Variants in GNAL observed in about 807,000 individuals in gnomAD.
GNAL encodes the protein G protein subunit alpha L.
Under a neutral mutation model 55.1 loss-of-function variants are expected in GNAL, and 18 were observed. That is an observed-to-expected ratio of 0.33 (90% CI 0.23 to 0.48). GNAL has a LOEUF of 0.48. GNAL is among the 20% of genes least tolerant of loss of function. The probability of loss-of-function intolerance (pLI) is 0.99; values close to 1 mark genes in which losing one functional copy is unlikely to be tolerated. For missense variants in GNAL, 412 were observed against 614.1 expected, an observed-to-expected ratio of 0.67 and a Z score of 3.48; for synonymous variants, 253 against 237.0, an observed-to-expected ratio of 1.07 and a Z score of -0.62.
chr18:11,770,353 A>G (rs1222000216), intron 4 of GNAL, among the ~76,000 whole-genome samples: 1 of 152,184 alleles, frequency 6.6e-6, no homozygotes, highest in Non-Finnish European at 1.5e-5. Context: ...AAAGAATGAT[A>G]TTTTCATAGC....
At chr18:11,758,193 T>C (rs761716123) in intron 4 of GNAL, among the ~76,000 whole-genome samples, 8 of 152,112 alleles carry the variant, frequency 5.3e-5, no homozygotes, top group Non-Finnish European at 1.0e-4. Flanking sequence ...AACTCCCCAC[T>C]TGAGAAGGCA....
intron 1 of GNAL, among the ~76,000 whole-genome samples, chr18:11,724,456 G>A (rs1183429092): frequency 1.3e-5 from 2 of 152,180 alleles, no homozygotes; most frequent in South Asian, 2.1e-4. Flanking sequence ...CCAGAAAGAC[G>A]GTGCAGTGCT....
intron 4 of GNAL, among the ~76,000 whole-genome samples, chr18:11,794,809 G>A (rs1337303390): frequency 2.1e-5 from 3 of 141,028 alleles, no homozygotes; most frequent in East Asian, 2.1e-4. Context: ...AGTGGCTCAC[G>A]CCTGTAATCC....
At chr18:11,717,822 A>G (rs1339160743) in intron 1 of GNAL, among the ~76,000 whole-genome samples, 2 of 152,300 alleles carry the variant, frequency 1.3e-5, no homozygotes, top group African/African-American at 4.8e-5. Context: ...GGATCAGGAA[A>G]AACAACTAAT....
chr18:11,855,912 C>T (rs1173330561), intron 5 of GNAL, among the ~76,000 whole-genome samples: 1 of 150,644 alleles, frequency 6.6e-6, no homozygotes, highest in South Asian at 2.1e-4. Context: ...GTGGAGGTTG[C>T]GGTGAGCCGA....
chr18:11,741,278 C>A (rs752556029), intron 1 of GNAL, among the ~76,000 whole-genome samples: 2 of 152,108 alleles, frequency 1.3e-5, no homozygotes, highest in African/African-American at 4.8e-5. Context: ...AGAACAGACC[C>A]CTGTGAAAGC....
rs768189751 is a variant in GNAL at position 11,752,905 on chromosome 18, C to T, written c.429C>T (p.His143=). The change falls in exon 2 of 12, where the codon CAC becomes CAT. Residue 143 remains histidine, a synonymous_variant. Transcript: ENST00000334049. This position sits in a 1 kb window ranked among gnomAD's most constrained non-coding sequence, Gnocchi z 4.5. ...STIVKQMRIL[H]VNGFNPEEKK... ...TCGTCAAACAGATGAGGATCCTGCA[C>T]GTCAATGGGTTTAATCCCGAGTAAG... is the stretch of plus-strand genomic sequence containing the variant. 4 of 1,602,860 alleles carry T rather than the reference C, an allele frequency of 2.5e-6. No homozygotes were observed. The highest frequency in any genetic ancestry group is 3.4e-6 in the Non-Finnish European group (4 of 1,169,872).
chr18:11,786,394 C>T (rs1304591589), intron 4 of GNAL, among the ~76,000 whole-genome samples: 1 of 144,804 alleles, frequency 6.9e-6, no homozygotes, highest in African/African-American at 2.6e-5. Context: ...TTCTTTTACA[C>T]GTGGCTGAAG....
intron 1 of GNAL, chr18:11,747,152 A>G: frequency 5.1e-6 from 2 of 394,872 alleles, no homozygotes; most frequent in Non-Finnish European, 1.0e-5. Flanking sequence ...TTGAACTGAG[A>G]GTCTGGTTTC....
chr18:11,776,070 C>G (rs530727708), intron 4 of GNAL, among the ~76,000 whole-genome samples: 1 of 152,334 alleles, frequency 6.6e-6, no homozygotes, highest in East Asian at 1.9e-4. Context: ...GGTTGCCCAA[C>G]TGATAGCTAA....
At chr18:11,774,056 G>A (rs2033710556) in intron 4 of GNAL, among the ~76,000 whole-genome samples, 1 of 152,176 alleles carries the variant, frequency 6.6e-6, no homozygotes, top group East Asian at 1.9e-4. Flanking sequence ...TAATACATCT[G>A]AAGTGCTGGG....
At chr18:11,839,805 G>A (rs1313460125) in intron 5 of GNAL, among the ~76,000 whole-genome samples, 3 of 152,178 alleles carry the variant, frequency 2.0e-5, no homozygotes, top group East Asian at 3.8e-4. Context: ...AGAGAAAAGC[G>A]AAAGCTGTAA....
Position 11,785,519 on chromosome 18 carries a change from G to A in GNAL, c.624+31574G>A, listed in dbSNP as rs369848794. Among the ~76,000 whole-genome samples, 26 of 152,338 alleles carry A rather than the reference G, an allele frequency of 1.7e-4. 2 individuals carry two copies. The highest frequency in any genetic ancestry group is 3.9e-4 in the Admixed American group (6 of 15,306). On this transcript the variant is annotated intron_variant, in intron 4 of 11. Transcript: ENST00000334049. ...CAGGAAGACAGCTTCTCTGGCCCCC[G>A]CCCAGGCCTGGAGGCTGCAGGCCCC...
chr18:11,748,950 C>A (rs1418064533), intron 1 of GNAL, among the ~76,000 whole-genome samples: 1 of 151,962 alleles, frequency 6.6e-6, no homozygotes, highest in Non-Finnish European at 1.5e-5. Flanking sequence ...CATGGTGAAA[C>A]CCCGTCTCTA....
intron 4 of GNAL, among the ~76,000 whole-genome samples, chr18:11,815,426 A>C (rs2034930504): frequency 6.6e-6 from 1 of 152,200 alleles, no homozygotes; most frequent in Non-Finnish European, 1.5e-5. Flanking sequence ...CAGGAAACTT[A>C]GAATCATGGC....
At chr18:11,861,241 C>A (rs2036128706) in intron 5 of GNAL, among the ~76,000 whole-genome samples, 1 of 152,156 alleles carries the variant, frequency 6.6e-6, no homozygotes, top group South Asian at 2.1e-4. Context: ...CTGGGCCCCC[C>A]CGACCCCTCC....
chr18:11,862,183 GAA>G (rs965577001), intron 5 of GNAL, among the ~76,000 whole-genome samples: 1 of 150,540 alleles, frequency 6.6e-6, no homozygotes, highest in African/African-American at 2.4e-5. Flanking sequence ...TTAAAAAAAA[GAA>G]AAAAAAAGAA....
chr18:11,796,213 T>G (rs1393459141), intron 4 of GNAL, among the ~76,000 whole-genome samples: 4 of 152,174 alleles, frequency 2.6e-5, no homozygotes, highest in Non-Finnish European at 5.9e-5. Context: ...TGGTTTAATA[T>G]GACAGTTGGA....
At chr18:11,803,190 C>T (rs1568034365) in intron 4 of GNAL, among the ~76,000 whole-genome samples, 2 of 152,218 alleles carry the variant, frequency 1.3e-5, no homozygotes, top group Non-Finnish European at 2.9e-5. Flanking sequence ...AGAACTTTCT[C>T]ATCTTCCCAA....
Sources: gnomAD v4.1 joint callset for allele counts (sites outside exome capture counted in the v4.1 genomes callset) on GRCh38, gnomAD v4.1.1 for gene constraint, Gnocchi (gnomAD v3.1) non-coding constraint, MANE v1.5 for transcripts, NCBI Gene and HGNC (gene_info 2026-07-23, HGNC 2026-07-21) for gene names.